The following DNAJC24 variants were observed in gnomAD, a reference collection of about 807,000 sequenced individuals.
DNAJC24 encodes dnaJ homolog subfamily C member 24.
A neutral mutation model predicts 18.0 loss-of-function variants in DNAJC24; 17 were observed. The observed-to-expected ratio is 0.94, with a 90% CI of 0.65 to 1.42. The LOEUF (loss-of-function observed/expected upper bound fraction) is 1.42, where lower values mean the gene tolerates loss of function less well. Ranked by LOEUF, DNAJC24 falls within the 40% of genes most tolerant of loss-of-function variation. The pLI is 0.00. For synonymous variants in DNAJC24, 55 were observed against 57.7 expected, an observed-to-expected ratio of 0.95 and a Z score of 0.21; for missense variants, 158 against 175.6, an observed-to-expected ratio of 0.90 and a Z score of 0.57.
chr11:31,393,916 A>G (rs931742765), intron 2 of DNAJC24, among the ~76,000 whole-genome samples: 1 of 151,882 alleles, frequency 6.6e-6, no homozygotes, highest in African/African-American at 2.4e-5. Context: ...TCCTAGGGGA[A>G]ATGTAGGGTT....
At chr11:31,420,418 A>G (rs995512724) in intron 3 of DNAJC24, among the ~76,000 whole-genome samples, 1 of 152,116 alleles carries the variant, frequency 6.6e-6, no homozygotes, top group Non-Finnish European at 1.5e-5. Flanking sequence ...TGGGACCTAC[A>G]ATAGCAGAGT....
In DNAJC24 at chr11:31,372,611, G is replaced by A. The variant is rs1301978487; in HGVS notation, c.111+1752G>A. ...TGTAGGCCATGCTGGCCTTTAATTG[G>A]CCACTGAGAAGCAGTCTGCACATAA... is the stretch of plus-strand genomic sequence containing the variant. On this transcript the variant is annotated intron_variant, in intron 2 of 4. Transcript: ENST00000465995. Among the ~76,000 whole-genome samples, 2 of 135,450 alleles carry A rather than the reference G, an allele frequency of 1.5e-5. 1 individual carries two copies. The highest frequency in any genetic ancestry group is 1.5e-4 in the Admixed American group (2 of 13,258). 88.9% of individuals were successfully genotyped at this position (135,450 alleles called of 152,430 possible). A position where few individuals can be genotyped will look rare whatever the true frequency, so the allele number is the denominator to read the frequency against.
In DNAJC24 at chr11:31,400,235, T is replaced by A. The variant is rs946696306; in HGVS notation, c.112-14576T>A. Among the ~76,000 whole-genome samples, 11 of 152,220 alleles carry A rather than the reference T, an allele frequency of 7.2e-5. No homozygotes were observed. The East Asian group carries it at 9.6e-4, about 13-fold the overall frequency. On this transcript the variant is annotated intron_variant, in intron 2 of 4. Transcript: ENST00000465995. ...CATAAACATATGTGTGCATGTGTCTTTATAGCAGAATGATTTATAATCCAT... is the reference window on the plus strand; with the variant it reads ...CATAAACATATGTGTGCATGTGTCTATATAGCAGAATGATTTATAATCCAT...
intron 2 of DNAJC24, among the ~76,000 whole-genome samples, chr11:31,380,520 T>C (rs1952366143): frequency 6.6e-6 from 1 of 152,238 alleles, no homozygotes; most frequent in African/African-American, 2.4e-5. Context: ...CTGAAGGGAT[T>C]AATATCCCAC....
chr11:31,426,950 C>T (rs1223073), intron 4 of DNAJC24: 3 of 151,500 alleles, frequency 2.0e-5, no homozygotes, highest in Admixed American at 6.6e-5. Context: ...AATTCAATGT[C>T]GTTTCCCTAT....
chr11:31,406,398 ATATT>A (rs1401990127), intron 2 of DNAJC24, among the ~76,000 whole-genome samples: 1 of 152,210 alleles, frequency 6.6e-6, no homozygotes, highest in Non-Finnish European at 1.5e-5. Context: ...TTTGGGGAAA[ATATT>A]AAACACACAG....
At position 31,375,385 on chromosome 11, in the gene DNAJC24, C is replaced by T. The variant is rs748708827; in HGVS notation, c.111+4526C>T. Among the ~76,000 whole-genome samples the T allele has an allele frequency of 1.9e-4, 26 of 134,998 alleles. 6 individuals carry two copies. The Admixed American group carries it at 2.0e-3, about 10-fold the overall frequency. 88.6% of individuals were successfully genotyped at this position (134,998 alleles called of 152,430 possible). A position where few individuals can be genotyped will look rare whatever the true frequency, so the allele number is the denominator to read the frequency against. On this transcript the variant is annotated intron_variant, in intron 2 of 4. Transcript: ENST00000465995. ...GTCTTTAGTACATTTCATGATATTT[C>T]TCTAAGACAGGGGAGGTATAGCTGT...
At chr11:31,377,547 A>C (rs764996037) in intron 2 of DNAJC24, among the ~76,000 whole-genome samples, 2 of 152,110 alleles carry the variant, frequency 1.3e-5, no homozygotes, top group Non-Finnish European at 2.9e-5. Flanking sequence ...CTTATTAGTA[A>C]ATCAATTGTG....
chr11:31,413,030 G>T (rs114062781), intron 2 of DNAJC24, among the ~76,000 whole-genome samples: 1 of 152,032 alleles, frequency 6.6e-6, no homozygotes, highest in Non-Finnish European at 1.5e-5. Flanking sequence ...TTTAGCCTTC[G>T]CAATTTAGAT....
chr11:31,426,386 T>TAAA, intron 4 of DNAJC24, 31 bp downstream of exon 4: 1 of 1,140,584 alleles, frequency 8.8e-7, no homozygotes, highest in Non-Finnish European at 1.2e-6. Context: ...TGACAACATT[T>TAAA]AAAAAAAAAA....
At chr11:31,376,862 T>G (rs1195543838) in intron 2 of DNAJC24, among the ~76,000 whole-genome samples, 1 of 152,194 alleles carries the variant, frequency 6.6e-6, no homozygotes, top group Non-Finnish European at 1.5e-5. Context: ...TCTAGATTTT[T>G]TATGGCTTAT....
At chr11:31,427,283 C>T (rs1245487207) in intron 4 of DNAJC24, 1 of 152,108 alleles carries the variant, frequency 6.6e-6, no homozygotes, top group Non-Finnish European at 1.5e-5. Flanking sequence ...ACAAGCCTAA[C>T]TTAGAAAGGG....
At chr11:31,391,153 C>T (rs1952491626) in intron 2 of DNAJC24, among the ~76,000 whole-genome samples, 1 of 152,130 alleles carries the variant, frequency 6.6e-6, no homozygotes, top group Non-Finnish European at 1.5e-5. Flanking sequence ...AGTTCAACAT[C>T]ATATCATGAC....
intron 2 of DNAJC24, among the ~76,000 whole-genome samples, chr11:31,413,611 C>T (rs1183316114): frequency 6.6e-6 from 1 of 152,010 alleles, no homozygotes; most frequent in African/African-American, 2.4e-5. Context: ...GTATTACAAG[C>T]GTGAGCCACT....
chr11:31,413,598 C>T (rs1347786230), intron 2 of DNAJC24, among the ~76,000 whole-genome samples: 1 of 152,056 alleles, frequency 6.6e-6, no homozygotes, highest in South Asian at 2.1e-4. Flanking sequence ...TCCCTAAGTG[C>T]TGGTATTACA....
At chr11:31,392,662 A>G (rs182519659) in intron 2 of DNAJC24, among the ~76,000 whole-genome samples, 1 of 151,322 alleles carries the variant, frequency 6.6e-6, no homozygotes, top group African/African-American at 2.4e-5. Context: ...TGTGAATGAG[A>G]TTAATGCCCT....
intron 2 of DNAJC24, among the ~76,000 whole-genome samples, chr11:31,404,512 A>G (rs1952635522): frequency 6.6e-6 from 1 of 152,182 alleles, no homozygotes; most frequent in African/African-American, 2.4e-5. Flanking sequence ...GACCCCAGAG[A>G]GGAATGCCTG....
chr11:31,412,623 G>C (rs1191853146), intron 2 of DNAJC24, among the ~76,000 whole-genome samples: 1 of 152,126 alleles, frequency 6.6e-6, no homozygotes, highest in African/African-American at 2.4e-5. Flanking sequence ...AGCATCATTT[G>C]ATAAATCATG....
chr11:31,419,000 A>T (rs1952778696), intron 3 of DNAJC24, among the ~76,000 whole-genome samples: 1 of 152,124 alleles, frequency 6.6e-6, no homozygotes, highest in Non-Finnish European at 1.5e-5. Context: ...CAAAATAAGA[A>T]TCCTTCCTGA....
Sources: gnomAD v4.1 joint callset for allele counts (sites outside exome capture counted in the v4.1 genomes callset) on GRCh38, gnomAD v4.1.1 for gene constraint, MANE v1.5 for transcripts, NCBI Gene and HGNC (gene_info 2026-07-23, HGNC 2026-07-21) for gene names.